The following CHAF1A variants were observed in gnomAD, a reference collection of about 807,000 sequenced individuals.
The protein encoded by CHAF1A is chromatin assembly factor 1 subunit A.
CHAF1A carries 5 observed loss-of-function variants against 93.2 expected under a neutral mutation model. The ratio of observed to expected loss-of-function variants is 0.05; its 90% CI spans 0.03 to 0.11. The LOEUF (loss-of-function observed/expected upper bound fraction) is 0.11. Ranked by LOEUF, CHAF1A falls within the 10% of genes least tolerant of loss-of-function variation. The probability of loss-of-function intolerance (pLI) is 1.00; values close to 1 mark genes in which losing one functional copy is unlikely to be tolerated. For synonymous variants in CHAF1A, 504 were observed against 510.3 expected (o/e 0.99, Z 0.17); for missense variants, 1,102 against 1,259.9 (o/e 0.87, Z 1.90).
At chr19:4,405,488 G>T (rs1973663637) in intron 1 of CHAF1A, among the ~76,000 whole-genome samples, 2 of 151,960 alleles carry the variant, frequency 1.3e-5, no homozygotes, top group African/African-American at 4.8e-5. Flanking sequence ...TGCGCCTGTA[G>T]TCCCAGCTAC....
At chr19:4,431,801 G>A in intron 11 of CHAF1A, 151 bp from the exon 12 acceptor site, 1 of 853,104 alleles carries the variant, frequency 1.2e-6, no homozygotes, top group Non-Finnish European at 1.8e-6. Context: ...AGCGCATGGT[G>A]TGCTCTGCCC....
At position 4,418,070 on chromosome 19, in the gene CHAF1A, G is replaced by T. The variant is rs1213943005; in HGVS notation, c.1011G>T (p.Leu337=). ...CTACAGAGAAGAACAAGCTCAGACTGCAAAGAGTAAGACATTTTCCCTGAA... is the reference window on the plus strand; with the variant it reads ...CTACAGAGAAGAACAAGCTCAGACTTCAAAGAGTAAGACATTTTCCCTGAA... The part of the protein sequence containing the change: ...KGSTEKNKLR[L]QRDQERLGKQ... The change falls in exon 4 of 15, where the codon CTG becomes CTT. Residue 337 remains leucine (L), a synonymous_variant. Transcript: ENST00000301280. 2 of 1,599,490 alleles carry T rather than the reference G, an allele frequency of 1.3e-6. No homozygotes were observed. The highest frequency in any genetic ancestry group is 1.7e-6 in the Non-Finnish European group (2 of 1,172,318).
At chr19:4,446,842 C>A, downstream of CHAF1A, 5 of 1,614,080 alleles carry the variant, frequency 3.1e-6, no homozygotes, top group Non-Finnish European at 4.2e-6. Context: ...TTACCCTGAT[C>A]CTGGGCGGGA....
downstream of CHAF1A, chr19:4,449,678 A>C (rs1974615037): frequency 6.6e-6 from 1 of 152,322 alleles, no homozygotes; most frequent in South Asian, 2.1e-4. Context: ...GGGTACATGC[A>C]CAGACAAGGG....
In CHAF1A at chr19:4,429,524, A is replaced by G; in HGVS notation, c.1691A>G (p.Glu564Gly). Reference protein sequence around the residue: ...FGRMKLLQFCENHRPAYWGTW... With the variant: ...FGRMKLLQFCGNHRPAYWGTW... ...AGGATGAAGCTCCTGCAGTTCTGTG[A>G]GAACCACCGGCCTGCCTACTGGGGT... is the stretch of plus-strand genomic sequence containing the variant. Residue 564 changes from glutamate to glycine, a missense_variant, in exon 9 of 15, where the codon GAG becomes GGG. Physicochemically the swap from Glu to Gly is moderately conservative, Grantham distance 98 (BLOSUM62 -2). Coordinates refer to ENST00000301280, the MANE Select transcript of CHAF1A (RefSeq NM_005483.3). 6.2e-6 allele frequency: 10 copies of G among 1,613,842 alleles called. No individual in the cohort carries two copies. The highest frequency in any genetic ancestry group is 8.5e-6 in the Non-Finnish European group (10 of 1,179,944).
At chr19:4,429,389 G>A in intron 8 of CHAF1A, 49 bp from the exon 9 acceptor site, 1 of 1,586,640 alleles carries the variant, frequency 6.3e-7, no homozygotes, top group Non-Finnish European at 8.6e-7. Context: ...AGGTTTGTGA[G>A]CAGGTCTGTA....
At position 4,433,066 on chromosome 19, in the gene CHAF1A, C is replaced by T; in HGVS notation, c.2204-4C>T. The T allele has an allele frequency of 6.4e-7, 1 of 1,550,468 alleles. No individual in the cohort carries two copies. Among genetic ancestry groups the T allele is most frequent in the East Asian group, 2.4e-5 (1 of 42,466 alleles). ...TCATGCCCACCCATGTTCCCTCCTG[C>T]CAGTCCTGGCCCAGCTGCTGCCGCT... On this transcript the variant is annotated splice_region_variant and splice_polypyrimidine_tract_variant and intron_variant, in intron 12 of 14. Coordinates refer to ENST00000301280, the MANE Select transcript of CHAF1A (RefSeq NM_005483.3). This position sits in a 1 kb window ranked among gnomAD's most constrained non-coding sequence, Gnocchi z 5.6.
chr19:4,425,698 C>T (rs1462951423), intron 7 of CHAF1A, among the ~76,000 whole-genome samples: 1 of 152,194 alleles, frequency 6.6e-6, no homozygotes, highest in Non-Finnish European at 1.5e-5. Context: ...CCTGCACATG[C>T]TTCTCTGCAC....
intron 2 of CHAF1A, among the ~76,000 whole-genome samples, chr19:4,407,428 A>G (rs182547679): frequency 1.6e-4 from 25 of 151,754 alleles, no homozygotes; most frequent in Admixed American, 1.6e-3. Flanking sequence ...TTGATGAGAA[A>G]AGCCTAACAG....
chr19:4,446,426 GC>G (rs1974523418), downstream of CHAF1A: 7 of 1,577,046 alleles, frequency 4.4e-6, no homozygotes, highest in Non-Finnish European at 6.0e-6. Flanking sequence ...GCACACGCGG[GC>G]CAGGTCACGA....
chr19:4,436,952 A>G (rs765159189), intron 13 of CHAF1A, among the ~76,000 whole-genome samples: 10 of 152,110 alleles, frequency 6.6e-5, no homozygotes, highest in Non-Finnish European at 1.5e-4. Context: ...ATCCCTAACC[A>G]CAAGGAAAGA....
chr19:4,439,814 AG>A (rs1411645262), intron 13 of CHAF1A, among the ~76,000 whole-genome samples: 1 of 152,216 alleles, frequency 6.6e-6, no homozygotes, highest in Non-Finnish European at 1.5e-5. Context: ...AGGCTGAGGC[AG>A]GAGGATCACT....
intron 7 of CHAF1A, among the ~76,000 whole-genome samples, chr19:4,427,873 C>CCA (rs971122375): frequency 2.0e-5 from 3 of 152,162 alleles, no homozygotes; most frequent in African/African-American, 7.2e-5. Flanking sequence ...CAGGCGTGAG[C>CCA]CACCGCGCCT....
chr19:4,407,884 G>C (rs906184833), intron 2 of CHAF1A, among the ~76,000 whole-genome samples: 1 of 152,050 alleles, frequency 6.6e-6, no homozygotes, highest in African/African-American at 2.4e-5. Context: ...GGAGGTGGAG[G>C]TTGCAGTGAG....
intron 1 of CHAF1A, among the ~76,000 whole-genome samples, chr19:4,404,159 A>T (rs1973639235): frequency 6.6e-6 from 1 of 152,230 alleles, no homozygotes; most frequent in Non-Finnish European, 1.5e-5. Context: ...GCTACTCGCT[A>T]GGACCATGCT....
In CHAF1A at chr19:4,412,834, T is replaced by G. The variant is rs1023581468; in HGVS notation, c.960+3075T>G. On this transcript the variant is annotated intron_variant, in intron 3 of 14. Transcript: ENST00000301280. ...TTTACAAGTGGTAAAGGCTTCAGGC[T>G]GGCCCAGAGCCTATGGCAGAAAGCG... Among the ~76,000 whole-genome samples the G allele has an allele frequency of 2.0e-5, 3 of 152,212 alleles. No homozygotes were observed. In the East Asian group the frequency reaches 5.8e-4, roughly 29 times the overall value.
At chr19:4,448,516 G>T, downstream of CHAF1A, 1 of 927,648 alleles carries the variant, frequency 1.1e-6, no homozygotes, top group Non-Finnish European at 1.7e-6. Context: ...GCAGAACAGC[G>T]GCTTGGAGCG....
intron 7 of CHAF1A, among the ~76,000 whole-genome samples, chr19:4,427,072 T>C (rs1021340606): frequency 2.2e-5 from 3 of 133,818 alleles, no homozygotes; most frequent in African/African-American, 8.3e-5. Context: ...GGCTGCGCAA[T>C]GAAGCGAGAC....
chr19:4,447,812 G>A, downstream of CHAF1A: 1 of 616,184 alleles, frequency 1.6e-6, no homozygotes, highest in Non-Finnish European at 2.9e-6. Flanking sequence ...ACCCCATGGA[G>A]CCCACCCCTG....
Sources: gnomAD v4.1 joint callset for allele counts (sites outside exome capture counted in the v4.1 genomes callset) on GRCh38, gnomAD v4.1.1 for gene constraint, Gnocchi (gnomAD v3.1) non-coding constraint, MANE v1.5 for transcripts, NCBI Gene and HGNC (gene_info 2026-07-23, HGNC 2026-07-21) for gene names.